NDUFA10: variants seen among roughly 807,000 people sequenced by gnomAD.
NDUFA10 encodes the protein NADH dehydrogenase [ubiquinone] 1 alpha subcomplex subunit 10, mitochondrial.
NDUFA10 carries 40 observed loss-of-function variants against 47.8 expected under a neutral mutation model. That is an observed-to-expected ratio of 0.84 (90% CI 0.65 to 1.09). NDUFA10 has a LOEUF of 1.09. Ranked by LOEUF, NDUFA10 falls within the 50% of genes least tolerant of loss-of-function variation. The pLI, the probability that NDUFA10 is intolerant of heterozygous loss-of-function variation, is 0.00. For missense variants in NDUFA10, 413 were observed against 451.1 expected (o/e 0.92, Z 0.76); for synonymous variants, 183 against 172.2 (o/e 1.06, Z -0.49).
In NDUFA10 at chr2:239,906,957, C is replaced by A. The variant is rs1693666531; in HGVS notation, c.295-11643G>T. Among the ~76,000 whole-genome samples the A allele has an allele frequency of 1.3e-5, 2 of 152,308 alleles. No homozygotes were observed. The highest frequency in any genetic ancestry group is 6.5e-5 in the Admixed American group (1 of 15,292). On this transcript the variant is annotated intron_variant, in intron 4 of 5. Coordinates refer to the NDUFA10 transcript ENST00000419408. The surrounding 1 kb of genome is among the most constrained non-coding windows in gnomAD (Gnocchi z 4.3). ...AAAGAGCCCACATTGCCAAGTCAAT[C>A]CTAAGCCAAAAGAACAAAGCTGGAG...
At chr2:240,004,151 G>A (rs78243382) in intron 8 of NDUFA10, among the ~76,000 whole-genome samples, 13,355 of 152,078 alleles carry the variant, frequency 0.088, 686 homozygotes, top group Admixed American at 0.14. Flanking sequence ...TGGGGGAGGA[G>A]GAGGGCATGG....
intron 9 of NDUFA10, among the ~76,000 whole-genome samples, chr2:239,976,122 A>T (rs1414897504): frequency 6.6e-6 from 1 of 152,212 alleles, no homozygotes; most frequent in African/African-American, 2.4e-5. Flanking sequence ...TTTCTTAATC[A>T]TCCCATCAAC....
At chr2:239,899,454 G>A in intron 4 of NDUFA10, among the ~76,000 whole-genome samples, 1 of 149,756 alleles carries the variant, frequency 6.7e-6, no homozygotes, top group Non-Finnish European at 1.5e-5. Context: ...GGGTTGTGAT[G>A]GAGGGGTGTG....
chr2:239,995,828 T>A (rs748746606), intron 8 of NDUFA10, among the ~76,000 whole-genome samples: 7 of 152,212 alleles, frequency 4.6e-5, no homozygotes, highest in Non-Finnish European at 8.8e-5. Flanking sequence ...AGGACAAACA[T>A]CAGCGAAAAA....
At position 239,958,988 on chromosome 2, in the gene NDUFA10, T is replaced by C; in HGVS notation, c.*2130A>G. On this transcript the variant is annotated 3_prime_UTR_variant, in exon 10 of 10. Coordinates refer to ENST00000252711, the MANE Select transcript of NDUFA10 (RefSeq NM_004544.4). ...GCTTTCGTGAGACGAACGCATGTACTGCTCTGAAATAAGGAAATCGGGGCA... is the reference window on the plus strand; with the variant it reads ...GCTTTCGTGAGACGAACGCATGTACCGCTCTGAAATAAGGAAATCGGGGCA... 3.0e-6 allele frequency: 3 copies of C among 985,504 alleles called. No individual in the cohort carries two copies. The highest frequency in any genetic ancestry group is 3.6e-6 in the Non-Finnish European group (3 of 829,946). The allele number at this position is 985,504 out of a possible 1,614,324, so 61.0% of individuals were successfully genotyped here. A position where few individuals can be genotyped will look rare whatever the true frequency, so the allele number is the denominator to read the frequency against.
In NDUFA10 at chr2:239,945,142, G is replaced by C. The variant is rs1694425742; in HGVS notation, c.294+44932C>G. Among the ~76,000 whole-genome samples, 1 of 152,114 alleles carries C rather than the reference G, an allele frequency of 6.6e-6. No individual in the cohort carries two copies. The highest frequency in any genetic ancestry group is 2.1e-4 in the South Asian group (1 of 4,832). On this transcript the variant is annotated intron_variant, in intron 4 of 5. Coordinates refer to the NDUFA10 transcript ENST00000419408. This position sits in a 1 kb window ranked among gnomAD's most constrained non-coding sequence, Gnocchi z 4.6. ...AACCCAGGCACGTGTACAGCCATCA[G>C]AGCCCCGGCACCCCTCCCGCAGGAG...
chr2:239,986,389 A>C (rs536069717), intron 9 of NDUFA10, among the ~76,000 whole-genome samples: 9 of 152,314 alleles, frequency 5.9e-5, no homozygotes, highest in Non-Finnish European at 8.8e-5. Context: ...GCCCCGTGGG[A>C]TTCCGGCAGG....
Position 239,909,894 on chromosome 2 carries a change from C to T in NDUFA10, c.295-14580G>A, listed in dbSNP as rs536086009. Among the ~76,000 whole-genome samples, 28 of 146,758 alleles carry T rather than the reference C, an allele frequency of 1.9e-4. 1 individual carries two copies. In the South Asian group the frequency reaches 4.1e-3, roughly 21 times the overall value. On this transcript the variant is annotated intron_variant, in intron 4 of 5. Coordinates refer to the NDUFA10 transcript ENST00000419408. ...ATATCGAGTCTACAAGCAACTTAAACAAATATGCAAGAAGAAAGGCAGACA... is the reference window on the plus strand; with the variant it reads ...ATATCGAGTCTACAAGCAACTTAAATAAATATGCAAGAAGAAAGGCAGACA...
In NDUFA10 at chr2:239,919,328, A is replaced by G. The variant is rs530142979; in HGVS notation, c.295-24014T>C. On this transcript the variant is annotated intron_variant, in intron 4 of 5. Transcript: ENST00000419408. The stretch of plus-strand genomic sequence containing the variant: ...CTGGGGCCTCCCACCCCTGCTTGAA[A>G]TCACCCCTCCCTCCTCACTCTCTGC... Among the ~76,000 whole-genome samples, 4 of 151,958 alleles carry G rather than the reference A, an allele frequency of 2.6e-5. No homozygotes were observed. In the South Asian group the frequency reaches 8.3e-4, roughly 32 times the overall value.
At chr2:239,943,569 T>C (rs536021709) in intron 4 of NDUFA10, among the ~76,000 whole-genome samples, 22 of 152,360 alleles carry the variant, frequency 1.4e-4, no homozygotes, top group Admixed American at 5.9e-4. Context: ...TAGTTTTTCC[T>C]TTCTATTCTG....
At chr2:239,902,712 T>C (rs1444018226) in intron 4 of NDUFA10, among the ~76,000 whole-genome samples, 1 of 152,158 alleles carries the variant, frequency 6.6e-6, no homozygotes, top group Admixed American at 6.5e-5. Flanking sequence ...GCATGCCTGG[T>C]GTGCGCTGTT....
intron 4 of NDUFA10, among the ~76,000 whole-genome samples, chr2:239,900,164 C>G (rs989713889): frequency 1.3e-5 from 2 of 152,020 alleles, no homozygotes; most frequent in Non-Finnish European, 2.9e-5. Flanking sequence ...CAGGGGGTCT[C>G]GGGCCTTCAG....
intron 8 of NDUFA10, 107 bp from the exon 9 acceptor site, chr2:239,990,289 C>G (rs1280685922): frequency 4.7e-6 from 4 of 852,396 alleles, no homozygotes; most frequent in Non-Finnish European, 7.7e-6. Flanking sequence ...ATCTATATAT[C>G]CCAATAAATG....
intron 9 of NDUFA10, among the ~76,000 whole-genome samples, chr2:239,966,879 G>A (rs947063602): frequency 1.4e-5 from 2 of 139,506 alleles, no homozygotes; most frequent in African/African-American, 5.5e-5. Context: ...TTCCCTAAGA[G>A]AGAGAGATTA....
At chr2:239,988,923 G>A (rs908439504) in intron 9 of NDUFA10, among the ~76,000 whole-genome samples, 18 of 145,462 alleles carry the variant, frequency 1.2e-4, no homozygotes, top group African/African-American at 4.7e-4. Flanking sequence ...TCACACACGT[G>A]TACAAGGACA....
chr2:239,897,387 T>G (rs1426182663), intron 4 of NDUFA10, among the ~76,000 whole-genome samples: 1 of 151,978 alleles, frequency 6.6e-6, no homozygotes, highest in Non-Finnish European at 1.5e-5. Context: ...AAATACATTT[T>G]TAGATCATAC....
chr2:239,934,908 C>A (rs1044650288), intron 4 of NDUFA10, among the ~76,000 whole-genome samples: 1 of 152,218 alleles, frequency 6.6e-6, no homozygotes, highest in Non-Finnish European at 1.5e-5. Context: ...TCAATCCAAG[C>A]TCCCACTGGG....
intron 4 of NDUFA10, among the ~76,000 whole-genome samples, chr2:239,940,409 G>T (rs1694341590): frequency 6.6e-6 from 1 of 152,174 alleles, no homozygotes; most frequent in Admixed American, 6.5e-5. Context: ...CCCAGCCTGG[G>T]GACAGAATGA....
At chr2:239,970,509 TA>T (rs1695264632) in intron 9 of NDUFA10, among the ~76,000 whole-genome samples, 1 of 152,166 alleles carries the variant, frequency 6.6e-6, no homozygotes, top group South Asian at 2.1e-4. Flanking sequence ...ACTAAAAGAC[TA>T]AAAAATTGTT....
Sources: gnomAD v4.1 joint callset for allele counts (sites outside exome capture counted in the v4.1 genomes callset) on GRCh38, gnomAD v4.1.1 for gene constraint, Gnocchi (gnomAD v3.1) non-coding constraint, MANE v1.5 for transcripts, NCBI Gene and HGNC (gene_info 2026-07-23, HGNC 2026-07-21) for gene names.